DMD: variants seen among roughly 807,000 people sequenced by gnomAD.
DMD encodes dystrophin.
In DMD, 63 loss-of-function variants were observed where a neutral mutation model predicts 330.1. The ratio of observed to expected loss-of-function variants is 0.19; its 90% CI spans 0.16 to 0.24. DMD has a LOEUF of 0.24. Ranked by LOEUF, DMD falls within the 10% of genes least tolerant of loss-of-function variation. DMD has a pLI of 1.00. For synonymous variants in DMD, 1,223 were observed against 959.8 expected, an observed-to-expected ratio of 1.27 and a Z score of -5.07; for missense variants, 3,344 against 2,684.1, an observed-to-expected ratio of 1.25 and a Z score of -5.43.
In DMD at chrX:32,550,749, GAAA is replaced by G. The variant is rs1217913899; in HGVS notation, c.1993-5418_1993-5416del. On this transcript the variant is annotated intron_variant, in intron 16 of 78. Coordinates refer to ENST00000357033, the MANE Select transcript of DMD (RefSeq NM_004006.3). ...ATAGACCACTACCTAGAATAATAAA[GAAA>G]AAAAGAGAGAAGACTCAAATAAACA... Among the ~76,000 whole-genome samples the G allele has an allele frequency of 5.5e-5, 6 of 109,416 alleles. No homozygotes were observed. The East Asian group carries it at 1.7e-3, about 31-fold the overall frequency.
chrX:32,371,401 C>A (rs969495222), intron 34 of DMD, among the ~76,000 whole-genome samples: 1 of 110,148 alleles, frequency 9.1e-6, no homozygotes, highest in African/African-American at 3.3e-5. Flanking sequence ...ATAAAACAGG[C>A]GGTAGGATGA....
chrX:33,192,545 C>T (rs752923913), intron 1 of DMD, among the ~76,000 whole-genome samples: 1 of 112,027 alleles, frequency 8.9e-6, no homozygotes, highest in South Asian at 3.7e-4. Flanking sequence ...TTGGAAATTA[C>T]ATATACAGGT....
At chrX:32,394,872 C>T (rs923886010) in intron 30 of DMD, among the ~76,000 whole-genome samples, 1 of 91,458 alleles carries the variant, frequency 1.1e-5, no homozygotes, top group Non-Finnish European at 2.1e-5. Context: ...AGTCCTTTAA[C>T]CTTTTATACC....
chrX:32,453,425 T>C, intron 26 of DMD, among the ~76,000 whole-genome samples: 1 of 111,243 alleles, frequency 9.0e-6, no homozygotes, highest in Non-Finnish European at 1.9e-5. Flanking sequence ...TTATGGAGTA[T>C]ATTAGATATT....
chrX:32,287,460 A>G, intron 43 of DMD, 69 bp downstream of exon 43: 1 of 1,075,125 alleles, frequency 9.3e-7, no homozygotes, highest in Non-Finnish European at 1.3e-6. Flanking sequence ...GGGTACTGAA[A>G]TAAATTCTAC....
At chrX:32,060,555 A>G (rs6418637) in intron 44 of DMD, among the ~76,000 whole-genome samples, 30,428 of 110,136 alleles carry the variant, frequency 0.28, 3,716 homozygotes, top group African/African-American at 0.49. Context: ...TTAATCTTTG[A>G]GATATACAAT....
chrX:32,190,502 T>C (rs889050911), intron 44 of DMD, among the ~76,000 whole-genome samples: 3 of 100,402 alleles, frequency 3.0e-5, no homozygotes, highest in African/African-American at 1.1e-4. Context: ...AGAGTCTCTG[T>C]GTTTCATAAA....
At chrX:32,743,855 A>G (rs1052931781) in intron 7 of DMD, among the ~76,000 whole-genome samples, 3 of 111,305 alleles carry the variant, frequency 2.7e-5, no homozygotes, top group African/African-American at 6.5e-5. Flanking sequence ...AGTCTCTCCA[A>G]TGTAGCTCTT....
At chrX:32,859,023 A>G (rs962779721) in intron 2 of DMD, among the ~76,000 whole-genome samples, 1 of 111,605 alleles carries the variant, frequency 9.0e-6, no homozygotes, top group African/African-American at 3.3e-5. Flanking sequence ...TTATTACTCC[A>G]GAGCACTCCC....
intron 19 of DMD, among the ~76,000 whole-genome samples, chrX:32,494,135 A>T (rs1005225675): frequency 9.0e-6 from 1 of 111,702 alleles, no homozygotes; most frequent in Non-Finnish European, 1.9e-5. Context: ...TAGGCTCTGC[A>T]GTATCCGTTA....
intron 2 of DMD, among the ~76,000 whole-genome samples, chrX:32,984,337 T>A (rs762719859): frequency 8.0e-5 from 9 of 112,321 alleles, no homozygotes; most frequent in Admixed American, 5.7e-4. Context: ...TCACTGCAAC[T>A]TCCGCCTCCC....
intron 1 of DMD, among the ~76,000 whole-genome samples, chrX:33,142,529 T>C (rs1355797529): frequency 8.9e-6 from 1 of 112,401 alleles, no homozygotes; most frequent in East Asian, 2.8e-4. Flanking sequence ...AGGAAAGGTT[T>C]GGGGTTTTTA....
chrX:33,058,477 T>TTTA (rs1569552125), intron 1 of DMD, among the ~76,000 whole-genome samples: 2 of 108,589 alleles, frequency 1.8e-5, no homozygotes, highest in African/African-American at 6.7e-5. Flanking sequence ...TTTTATTTTT[T>TTTA]TTTTTTGTAG....
chrX:31,728,318 C>T (rs1222815346), intron 52 of DMD, among the ~76,000 whole-genome samples: 1 of 112,359 alleles, frequency 8.9e-6, no homozygotes, highest in Non-Finnish European at 1.9e-5. Context: ...AGCCACCGCG[C>T]CCGGCCGAGT....
At position 31,633,574 on chromosome X, in the gene DMD, T is replaced by A. The variant is rs144021745; in HGVS notation, c.8028-5712A>T. 9.0e-3 allele frequency among the ~76,000 whole-genome samples: 1,009 copies of A among 112,014 alleles called. 4 individuals carry two copies. The highest frequency in any genetic ancestry group is 0.018 in the Middle Eastern group (4 of 219). On this transcript the variant is annotated intron_variant, in intron 54 of 78. Coordinates refer to ENST00000357033, the MANE Select transcript of DMD (RefSeq NM_004006.3). ...GGTAAACATTTAACTAGAGTTACAA[T>A]GTAATTAAGGCTATAAACCATCTGG... is the stretch of plus-strand genomic sequence containing the variant.
chrX:33,122,173 C>T (rs966012673), intron 1 of DMD, among the ~76,000 whole-genome samples: 1 of 111,638 alleles, frequency 9.0e-6, no homozygotes, highest in South Asian at 3.7e-4. Context: ...TGCAGGGAGC[C>T]GAGATTGCAC....
chrX:31,606,014 C>A lies in DMD; in HGVS notation c.8217+21659G>T, dbSNP rs372902240. Among the ~76,000 whole-genome samples, 32 of 111,619 alleles carry A rather than the reference C, an allele frequency of 2.9e-4. No individual in the cohort carries two copies. In the South Asian group the frequency reaches 0.012, roughly 42 times the overall value. ...GTAATCCCCATAACCTCCATAATCC[C>A]CACGTGTCAAGGGAGAGACCAGGTG... On this transcript the variant is annotated intron_variant, in intron 55 of 78. Transcript: ENST00000357033.
At position 32,907,914 on chromosome X, in the gene DMD, C is replaced by T. The variant is rs181865438; in HGVS notation, c.94-58094G>A. On this transcript the variant is annotated intron_variant, in intron 2 of 78. Transcript: ENST00000357033. ...TAGCTCTTCATTCACTTATCTTGGT[C>T]GTAAATACTGTTAAACACAAAATCA... 1.2e-4 allele frequency among the ~76,000 whole-genome samples: 13 copies of T among 111,305 alleles called. No homozygotes were observed. The East Asian group carries it at 3.1e-3, about 27-fold the overall frequency.
At chrX:32,207,392 T>C (rs2147787772) in intron 44 of DMD, among the ~76,000 whole-genome samples, 1 of 111,762 alleles carries the variant, frequency 8.9e-6, no homozygotes, top group African/African-American at 3.2e-5. Flanking sequence ...ACCTTAATGT[T>C]AGACTTCCTA....
Sources: allele counts gnomAD v4.1 joint callset (sites outside exome capture counted in the v4.1 genomes callset), GRCh38; gene constraint gnomAD v4.1.1; transcripts MANE v1.5; gene names NCBI Gene and HGNC (gene_info 2026-07-23, HGNC 2026-07-21).